Variants in KCNMA1 observed in about 807,000 individuals in gnomAD.
The protein encoded by KCNMA1 is Calcium-activated potassium channel subunit alpha-1.
A neutral mutation model predicts 140.0 loss-of-function variants in KCNMA1; 29 were observed. The ratio of observed to expected loss-of-function variants is 0.21; its 90% CI spans 0.15 to 0.28. The LOEUF is 0.28. KCNMA1 is among the 10% of genes least tolerant of loss of function. KCNMA1 has a pLI of 1.00. For missense variants in KCNMA1, 880 were observed against 1,602.2 expected (o/e 0.55, Z 7.70); for synonymous variants, 612 against 611.9 (o/e 1.00, Z 0.00).
At chr10:77,096,832 CTG>C (rs1332514256) in intron 9 of KCNMA1, among the ~76,000 whole-genome samples, 3 of 152,196 alleles carry the variant, frequency 2.0e-5, no homozygotes, top group African/African-American at 7.2e-5. Context: ...GCTAGACTCT[CTG>C]TCTTTCTGCT....
At chr10:77,146,429 G>A (rs190122759) in intron 5 of KCNMA1, among the ~76,000 whole-genome samples, 1 of 152,214 alleles carries the variant, frequency 6.6e-6, no homozygotes, top group East Asian at 1.9e-4. Context: ...AGCTGGGCGC[G>A]GTGGCTCATG....
chr10:77,197,673 G>A (rs1472424122), intron 3 of KCNMA1, among the ~76,000 whole-genome samples: 3 of 152,190 alleles, frequency 2.0e-5, no homozygotes, highest in African/African-American at 4.8e-5. Context: ...GGGAAAGCAC[G>A]TCAACATGCT....
At chr10:77,318,191 T>A (rs2081374018) in intron 2 of KCNMA1, among the ~76,000 whole-genome samples, 1 of 152,210 alleles carries the variant, frequency 6.6e-6, no homozygotes, top group Non-Finnish European at 1.5e-5. Flanking sequence ...CATATTGCAA[T>A]ATTGACTGAC....
At chr10:77,515,205 C>A (rs567116680) in intron 1 of KCNMA1, among the ~76,000 whole-genome samples, 1 of 151,976 alleles carries the variant, frequency 6.6e-6, no homozygotes, top group Non-Finnish European at 1.5e-5. Context: ...CATTCAGCAC[C>A]GGGGGATGGG....
At chr10:77,213,318 T>C (rs1165125534) in intron 3 of KCNMA1, among the ~76,000 whole-genome samples, 2 of 152,124 alleles carry the variant, frequency 1.3e-5, no homozygotes, top group African/African-American at 4.8e-5. Context: ...ATCCCCCTAA[T>C]GTATCCTTTG....
chr10:77,595,752 C>T (rs920878129), intron 1 of KCNMA1, among the ~76,000 whole-genome samples: 14 of 152,128 alleles, frequency 9.2e-5, no homozygotes, highest in Admixed American at 5.9e-4. Flanking sequence ...CAGGTTCAAG[C>T]GATTCTTCTC....
chr10:77,016,274 C>A (rs960227964), intron 17 of KCNMA1, among the ~76,000 whole-genome samples: 1 of 152,102 alleles, frequency 6.6e-6, no homozygotes, highest in Middle Eastern at 3.2e-3. Context: ...TATACCCAAC[C>A]CAAATCAGTG....
At chr10:77,120,935 G>C in intron 6 of KCNMA1, 38 bp downstream of exon 6, 1 of 1,166,806 alleles carries the variant, frequency 8.6e-7, no homozygotes, top group South Asian at 1.2e-5. Flanking sequence ...TTGGCATAGG[G>C]GACTGGAATG....
At position 76,970,079 on chromosome 10, in the gene KCNMA1, G is replaced by A. The variant is rs763720619; in HGVS notation, c.2267-12C>T. The A allele has an allele frequency of 6.2e-7, 1 of 1,607,456 alleles. No individual in the cohort carries two copies. Among genetic ancestry groups the A allele is most frequent in the East Asian group, 2.2e-5 (1 of 44,824 alleles). On this transcript the variant is annotated splice_polypyrimidine_tract_variant and intron_variant, in intron 19 of 27. Coordinates refer to ENST00000286628, the MANE Select transcript of KCNMA1 (RefSeq NM_001161352.2). ...CTGCTCATCTTCAACTGGAAATACA[G>A]GCAGCTCATGAGATTATGAACAGTT...
At chr10:77,008,406 T>C (rs937483139) in intron 18 of KCNMA1, among the ~76,000 whole-genome samples, 2 of 152,144 alleles carry the variant, frequency 1.3e-5, no homozygotes, top group Admixed American at 6.5e-5. Context: ...GTTTGTTATA[T>C]AGAAAAAGAA....
intron 15 of KCNMA1, among the ~76,000 whole-genome samples, chr10:77,030,683 C>A (rs563234756): frequency 1.3e-5 from 2 of 152,152 alleles, no homozygotes; most frequent in South Asian, 4.1e-4. Context: ...CATCTACCAA[C>A]TGGATATAAA....
intron 5 of KCNMA1, among the ~76,000 whole-genome samples, chr10:77,165,935 G>A (rs1025122866): frequency 6.6e-6 from 1 of 152,130 alleles, no homozygotes; most frequent in Non-Finnish European, 1.5e-5. Flanking sequence ...GTGGCAGCAC[G>A]TCACAACACA....
At chr10:76,931,005 G>A (rs1030638365) in intron 23 of KCNMA1, among the ~76,000 whole-genome samples, 1 of 152,118 alleles carries the variant, frequency 6.6e-6, no homozygotes, top group African/African-American at 2.4e-5. Context: ...GGGGGAATGG[G>A]GAGATGTTGG....
intron 20 of KCNMA1, among the ~76,000 whole-genome samples, chr10:76,954,923 C>T (rs1321023953): frequency 6.6e-6 from 1 of 152,190 alleles, no homozygotes; most frequent in African/African-American, 2.4e-5. Flanking sequence ...GCTCCTGCAC[C>T]TTGAATCATA....
intron 21 of KCNMA1, among the ~76,000 whole-genome samples, chr10:76,949,947 T>C (rs2065635289): frequency 6.6e-6 from 1 of 152,146 alleles, no homozygotes; most frequent in Admixed American, 6.5e-5. Flanking sequence ...TCTGGCCCAC[T>C]ACATTCTTTT....
Position 77,183,294 on chromosome 10 carries a change from A to G in KCNMA1, c.808+127T>C, listed in dbSNP as rs2098817372. On this transcript the variant is annotated intron_variant, in intron 5 of 27. Coordinates refer to ENST00000286628, the MANE Select transcript of KCNMA1 (RefSeq NM_001161352.2). ...CACCATCAACTTCTAAAACTCCAAG[A>G]GCCCGTTGTTCACATTAATACATAC... is the stretch of plus-strand genomic sequence containing the variant. 4.1e-6 allele frequency: 3 copies of G among 726,092 alleles called. No homozygotes were observed. The East Asian group carries it at 8.0e-5, about 19-fold the overall frequency. 45.0% of individuals were successfully genotyped at this position (726,092 alleles called of 1,614,324 possible).
intron 23 of KCNMA1, among the ~76,000 whole-genome samples, chr10:76,923,641 C>G (rs954340531): frequency 3.3e-5 from 5 of 152,108 alleles, no homozygotes; most frequent in African/African-American, 9.7e-5. Flanking sequence ...ATTGCTTTCT[C>G]CACAACATCT....
chr10:77,458,310 A>G (rs1472976156), intron 1 of KCNMA1, among the ~76,000 whole-genome samples: 2 of 152,062 alleles, frequency 1.3e-5, no homozygotes, highest in Non-Finnish European at 2.9e-5. Flanking sequence ...GTTCCTTCCA[A>G]CCATTCTAAA....
chr10:77,438,706 AAGGGGCAGAGCC>A (rs2097314424), intron 1 of KCNMA1, among the ~76,000 whole-genome samples: 1 of 152,202 alleles, frequency 6.6e-6, no homozygotes, highest in Non-Finnish European at 1.5e-5. Context: ...CACAGCTAAA[AAGGGGCAGAGCC>A]AGGATTGGCT....
Sources: gnomAD v4.1 joint callset for allele counts (sites outside exome capture counted in the v4.1 genomes callset) on GRCh38, gnomAD v4.1.1 for gene constraint, MANE v1.5 for transcripts, NCBI Gene and HGNC (gene_info 2026-07-23, HGNC 2026-07-21) for gene names.